MOB3B: variants seen among roughly 807,000 people sequenced by gnomAD.
The protein encoded by MOB3B is MOB kinase activator 3B, also known as MOB kinase activator-like 2B.
A neutral mutation model predicts 18.7 loss-of-function variants in MOB3B; 7 were observed. The ratio of observed to expected loss-of-function variants is 0.37; its 90% CI spans 0.21 to 0.70. The LOEUF (loss-of-function observed/expected upper bound fraction) is 0.70. MOB3B is among the 30% of genes least tolerant of loss of function. The pLI, the probability that MOB3B is intolerant of heterozygous loss-of-function variation, is 0.52. For missense variants in MOB3B, 253 were observed against 281.3 expected (o/e 0.90, Z 0.72); for synonymous variants, 111 against 99.9 (o/e 1.11, Z -0.66).
chr9:27,423,967 T>G (rs1822292908), intron 2 of MOB3B, among the ~76,000 whole-genome samples: 1 of 152,204 alleles, frequency 6.6e-6, no homozygotes. Flanking sequence ...TTAAGTTACT[T>G]TCTCCAGGTT....
intron 2 of MOB3B, among the ~76,000 whole-genome samples, chr9:27,452,391 G>T (rs1384064656): frequency 6.6e-6 from 1 of 152,182 alleles, no homozygotes; most frequent in Non-Finnish European, 1.5e-5. Flanking sequence ...GAATTCACTA[G>T]ACAGAGAAGT....
At chr9:27,418,932 T>C (rs1422472147) in intron 2 of MOB3B, among the ~76,000 whole-genome samples, 1 of 130,652 alleles carries the variant, frequency 7.7e-6, no homozygotes, top group Non-Finnish European at 1.7e-5. Flanking sequence ...CTCCTAGAAC[T>C]GATAAAAAAA....
chr9:27,408,484 G>A (rs1476780754), intron 2 of MOB3B, among the ~76,000 whole-genome samples: 1 of 152,128 alleles, frequency 6.6e-6, no homozygotes, highest in Non-Finnish European at 1.5e-5. Context: ...CCTTCAGTTG[G>A]CTTCCTCTTG....
chr9:27,469,841 T>G (rs1372804366), intron 1 of MOB3B, among the ~76,000 whole-genome samples: 1 of 152,040 alleles, frequency 6.6e-6, no homozygotes, highest in Non-Finnish European at 1.5e-5. Context: ...ATTTCAGCAC[T>G]TTGGGAAGCC....
chr9:27,449,918 C>T (rs1458359089), intron 2 of MOB3B, among the ~76,000 whole-genome samples: 1 of 150,276 alleles, frequency 6.7e-6, no homozygotes, highest in Non-Finnish European at 1.5e-5. Flanking sequence ...GCGGAGGCTG[C>T]AGTGAGCCGA....
At chr9:27,345,756 T>C (rs770551284) in intron 3 of MOB3B, among the ~76,000 whole-genome samples, 1 of 152,316 alleles carries the variant, frequency 6.6e-6, no homozygotes, top group Non-Finnish European at 1.5e-5. Flanking sequence ...CGCTCAACTA[T>C]GTGCACTATG....
At chr9:27,524,883 T>C (rs1025128275) in intron 1 of MOB3B, 1 of 1,613,328 alleles carries the variant, frequency 6.2e-7, no homozygotes, top group South Asian at 1.1e-5. Context: ...TGACTGTGCC[T>C]GGGAGATTGT....
intron 2 of MOB3B, among the ~76,000 whole-genome samples, chr9:27,445,205 C>A (rs1027348173): frequency 6.6e-5 from 10 of 152,162 alleles, no homozygotes; most frequent in Non-Finnish European, 1.2e-4. Flanking sequence ...GCATTTAATT[C>A]TCTACCAGGA....
chr9:27,507,497 A>G (rs1206393510), intron 1 of MOB3B, among the ~76,000 whole-genome samples: 2 of 152,236 alleles, frequency 1.3e-5, no homozygotes, highest in Admixed American at 6.5e-5. Flanking sequence ...GTCTTCTTAC[A>G]GCAACCAGGA....
At chr9:27,406,450 C>T (rs971366922) in intron 2 of MOB3B, among the ~76,000 whole-genome samples, 2 of 152,202 alleles carry the variant, frequency 1.3e-5, no homozygotes, top group African/African-American at 4.8e-5. Flanking sequence ...GCAAAAAGAA[C>T]AAAGCCAGAG....
At chr9:27,427,896 C>A (rs1042486691) in intron 2 of MOB3B, among the ~76,000 whole-genome samples, 1 of 152,154 alleles carries the variant, frequency 6.6e-6, no homozygotes, top group African/African-American at 2.4e-5. Context: ...TCCAACCAAG[C>A]CCACCTGGCC....
chr9:27,422,731 G>A (rs896258495), intron 2 of MOB3B, among the ~76,000 whole-genome samples: 1 of 152,202 alleles, frequency 6.6e-6, no homozygotes, highest in Non-Finnish European at 1.5e-5. Flanking sequence ...GTTGAAGCAT[G>A]TATACCACAA....
chr9:27,469,056 T>C (rs1819431855), intron 1 of MOB3B, among the ~76,000 whole-genome samples: 1 of 152,162 alleles, frequency 6.6e-6, no homozygotes, highest in South Asian at 2.1e-4. Context: ...CCTTTGTGCT[T>C]TGTTTAAAAA....
rs749637549 is a variant in MOB3B at position 27,358,996 on chromosome 9, G to T, written c.621+38C>A. 6.3e-6 allele frequency: 10 copies of T among 1,598,470 alleles called. No homozygotes were observed. The East Asian group carries it at 2.2e-4, about 36-fold the overall frequency. ...GCTCTGACAAATGGCCGAGCTCCTG[G>T]GGTGACTTGGATACCATTATTTCAT... is the stretch of plus-strand genomic sequence containing the variant. On this transcript the variant is annotated intron_variant, in intron 3 of 3. Transcript: ENST00000262244.
chr9:27,472,891 C>T (rs968604178), intron 1 of MOB3B, among the ~76,000 whole-genome samples: 1 of 152,188 alleles, frequency 6.6e-6, no homozygotes, highest in Non-Finnish European at 1.5e-5. Flanking sequence ...GTTCCGCAAA[C>T]ACAAGTTAAG....
intron 2 of MOB3B, among the ~76,000 whole-genome samples, chr9:27,392,497 G>T (rs1821740324): frequency 1.3e-5 from 2 of 151,982 alleles, no homozygotes; most frequent in Admixed American, 1.3e-4. Flanking sequence ...TTGCCAAAAG[G>T]GCACTTAAAA....
At chr9:27,486,854 G>A (rs1458265131) in intron 1 of MOB3B, among the ~76,000 whole-genome samples, 1 of 152,200 alleles carries the variant, frequency 6.6e-6, no homozygotes, top group East Asian at 1.9e-4. Flanking sequence ...GTTGGGGCTG[G>A]GCGTGGTGGC....
intron 1 of MOB3B, among the ~76,000 whole-genome samples, chr9:27,476,789 T>C (rs534216218): frequency 5.3e-5 from 8 of 152,264 alleles, no homozygotes; most frequent in Admixed American, 5.2e-4. Context: ...TGCTCTGAAA[T>C]CCATCTCTGC....
At chr9:27,430,615 A>T (rs1330848233) in intron 2 of MOB3B, among the ~76,000 whole-genome samples, 2 of 152,270 alleles carry the variant, frequency 1.3e-5, no homozygotes, top group African/African-American at 2.4e-5. Context: ...CAATAACATC[A>T]CACCATATTT....
Sources: gnomAD v4.1 joint callset for allele counts (sites outside exome capture counted in the v4.1 genomes callset) on GRCh38, gnomAD v4.1.1 for gene constraint, MANE v1.5 for transcripts, NCBI Gene and HGNC (gene_info 2026-07-23, HGNC 2026-07-21) for gene names.